Variants in MECOM observed in about 807,000 individuals in gnomAD.
MECOM encodes the protein MDS1 and EVI1 complex locus, also known as histone-lysine N-methyltransferase MECOM.
MECOM carries 13 observed loss-of-function variants against 116.3 expected under a neutral mutation model. The observed-to-expected ratio is 0.11, with a 90% CI of 0.07 to 0.18. MECOM has a LOEUF of 0.18. MECOM is among the 10% of genes least tolerant of loss of function. The probability of loss-of-function intolerance (pLI) is 1.00; values close to 1 mark genes in which losing one functional copy is unlikely to be tolerated. For synonymous variants in MECOM, 528 were observed against 535.2 expected, an observed-to-expected ratio of 0.99 and a Z score of 0.19; for missense variants, 1,299 against 1,509.0, an observed-to-expected ratio of 0.86 and a Z score of 2.31.
Position 169,102,179 on chromosome 3 carries a change from G to C in MECOM, c.2652C>G (p.Ala884=). ...AGAGCTCACTGGCCTCAGGTTTCAG[G>C]GCACTGAAGCTCTCTAGCTTTTCTG... ...NMAEKLESFS[A]LKPEASELLQ... is the part of the protein sequence containing the mutation. Residue 884 remains alanine (A), a synonymous_variant, in exon 11 of 17, where the codon GCC becomes GCG. Transcript: ENST00000651503. 6.2e-7 allele frequency: 1 copy of C among 1,613,786 alleles called. No individual in the cohort carries two copies. The highest frequency in any genetic ancestry group is 1.1e-5 in the South Asian group (1 of 91,034).
intron 2 of MECOM, among the ~76,000 whole-genome samples, chr3:169,240,914 G>A (rs998265762): frequency 5.3e-5 from 8 of 152,132 alleles, no homozygotes; most frequent in Admixed American, 3.3e-4. Flanking sequence ...AGCACAAACA[G>A]CACAATGAAA....
intron 2 of MECOM, among the ~76,000 whole-genome samples, chr3:169,312,233 G>A (rs943414142): frequency 1.3e-5 from 2 of 152,126 alleles, no homozygotes; most frequent in Admixed American, 1.3e-4. Context: ...AAGAGATGAT[G>A]GTGATGTTGA....
intron 2 of MECOM, among the ~76,000 whole-genome samples, chr3:169,292,526 G>A (rs1053715631): frequency 6.6e-6 from 1 of 152,106 alleles, no homozygotes; most frequent in African/African-American, 2.4e-5. Flanking sequence ...TGTGAGCTCT[G>A]TGCAGGCTAA....
In MECOM at chr3:169,121,347, C is replaced by T. The variant is rs949984925; in HGVS notation, c.979-138G>A. 3 of 855,096 alleles carry T rather than the reference C, an allele frequency of 3.5e-6. No individual in the cohort carries two copies. The African/African-American group carries it at 5.1e-5, about 15-fold the overall frequency. The allele number at this position is 855,096 out of a possible 1,614,324, so 53.0% of individuals were successfully genotyped here. A position where few individuals can be genotyped will look rare whatever the true frequency, so the allele number is the denominator to read the frequency against. ...CCAAAGACCAAAAGTGTACTCTCCT[C>T]TAATTTCCAAAATGTACTCTCCTCT... On this transcript the variant is annotated intron_variant, in intron 6 of 16. Transcript: ENST00000651503.
intron 1 of MECOM, among the ~76,000 whole-genome samples, chr3:169,633,558 C>G (rs1772344116): frequency 2.0e-5 from 3 of 152,140 alleles, no homozygotes; most frequent in African/African-American, 7.2e-5. Context: ...GGATAACATT[C>G]TTGCCAAGGA....
At chr3:169,461,804 T>C (rs1292310476) in intron 1 of MECOM, among the ~76,000 whole-genome samples, 2 of 152,138 alleles carry the variant, frequency 1.3e-5, no homozygotes, top group East Asian at 3.8e-4. Flanking sequence ...ATTTAAGGCA[T>C]CTTATGGGAA....
At chr3:169,539,590 T>C (rs933812729) in intron 1 of MECOM, among the ~76,000 whole-genome samples, 1 of 152,228 alleles carries the variant, frequency 6.6e-6, no homozygotes. Flanking sequence ...CCTAAATATG[T>C]TGTGAATTCT....
chr3:169,199,105 G>A (rs2149444281), intron 2 of MECOM, among the ~76,000 whole-genome samples: 1 of 152,196 alleles, frequency 6.6e-6, no homozygotes, highest in Non-Finnish European at 1.5e-5. Context: ...TGATATTTCA[G>A]AACATGTGGA....
intron 1 of MECOM, among the ~76,000 whole-genome samples, chr3:169,629,443 G>A (rs745931426): frequency 7.2e-5 from 11 of 152,024 alleles, no homozygotes; most frequent in Non-Finnish European, 1.2e-4. Context: ...TGTAGAGCCA[G>A]AGCAAATGCA....
rs1437588705 is a variant in MECOM, at chr3:169,102,050, G to A, written c.2771+10C>T. On this transcript the variant is annotated intron_variant, in intron 11 of 16. Coordinates refer to ENST00000651503, the MANE Select transcript of MECOM (RefSeq NM_004991.4). ...TCTGGAAAGTCAGCCATAATTAACT[G>A]TGCAGTTACCTGCAGGTATAGCGCT... is the stretch of plus-strand genomic sequence containing the variant. The A allele has an allele frequency of 2.4e-5, 39 of 1,609,008 alleles. No individual in the cohort carries two copies. The highest frequency in any genetic ancestry group is 3.1e-5 in the Non-Finnish European group (37 of 1,178,044).
At chr3:169,164,395 A>G (rs1041267160) in intron 2 of MECOM, among the ~76,000 whole-genome samples, 1 of 151,996 alleles carries the variant, frequency 6.6e-6, no homozygotes, top group Admixed American at 6.6e-5. Flanking sequence ...TGTCTAATAA[A>G]CCTCTTTCTT....
chr3:169,159,500 G>A lies in MECOM; in HGVS notation c.376-15668C>T, dbSNP rs551367131. 1.3e-4 allele frequency among the ~76,000 whole-genome samples: 20 copies of A among 152,092 alleles called. No individual in the cohort carries two copies. The South Asian group carries it at 2.3e-3, about 17-fold the overall frequency. Reference sequence around the variant, plus strand: ...CTTGAACCCGGGAGGCAGAAGTTGCGGCGAGCCAAGATCACGCCACTGCAT... The same window carrying A: ...CTTGAACCCGGGAGGCAGAAGTTGCAGCGAGCCAAGATCACGCCACTGCAT... On this transcript the variant is annotated intron_variant, in intron 2 of 16. Transcript: ENST00000651503.
chr3:169,366,607 C>A (rs533716044), intron 2 of MECOM, among the ~76,000 whole-genome samples: 4 of 151,958 alleles, frequency 2.6e-5, no homozygotes, highest in Non-Finnish European at 5.9e-5. Flanking sequence ...CAAGAAATAC[C>A]TTTTTTTGAG....
intron 1 of MECOM, chr3:169,477,191 T>C (rs1283082990): frequency 2.1e-5 from 3 of 140,894 alleles, no homozygotes; most frequent in African/African-American, 8.0e-5. Flanking sequence ...GTCTTCACAC[T>C]GCAAAGGTCT....
At chr3:169,647,144 C>A (rs1774291324) in intron 1 of MECOM, among the ~76,000 whole-genome samples, 1 of 152,108 alleles carries the variant, frequency 6.6e-6, no homozygotes. Flanking sequence ...AAAAATAAGG[C>A]AGTGGAGCAT....
chr3:169,184,670 G>A (rs1336448426), intron 2 of MECOM, among the ~76,000 whole-genome samples: 1 of 152,148 alleles, frequency 6.6e-6, no homozygotes, highest in Non-Finnish European at 1.5e-5. Context: ...GTCCCATGGG[G>A]TCTTGGGACT....
intron 1 of MECOM, among the ~76,000 whole-genome samples, chr3:169,498,445 A>G (rs542992684): frequency 3.7e-4 from 57 of 152,304 alleles, no homozygotes; most frequent in African/African-American, 1.2e-3. Flanking sequence ...CTACAATACT[A>G]AAGGATGCTC....
chr3:169,540,585 C>CT (rs892644048), intron 1 of MECOM, among the ~76,000 whole-genome samples: 7 of 151,824 alleles, frequency 4.6e-5, no homozygotes, highest in Admixed American at 6.6e-5. Flanking sequence ...TATCTCTCCT[C>CT]TTTTTTTTTC....
chr3:169,200,874 T>C (rs774777917), intron 2 of MECOM, among the ~76,000 whole-genome samples: 2 of 152,198 alleles, frequency 1.3e-5, no homozygotes, highest in East Asian at 1.9e-4. Flanking sequence ...CTGACCATCA[T>C]TCAAATTGTA....
Sources: gnomAD v4.1 joint callset for allele counts (sites outside exome capture counted in the v4.1 genomes callset) on GRCh38, gnomAD v4.1.1 for gene constraint, MANE v1.5 for transcripts, NCBI Gene and HGNC (gene_info 2026-07-23, HGNC 2026-07-21) for gene names.